Variants in ARHGAP21 observed in about 807,000 individuals in gnomAD.
ARHGAP21 encodes rho GTPase-activating protein 21.
A neutral mutation model predicts 164.6 loss-of-function variants in ARHGAP21; 38 were observed. That is an observed-to-expected ratio of 0.23 (90% CI 0.18 to 0.30). The LOEUF (loss-of-function observed/expected upper bound fraction) is 0.30. Ranked by LOEUF, ARHGAP21 falls within the 10% of genes least tolerant of loss-of-function variation. The pLI, the probability that ARHGAP21 is intolerant of heterozygous loss-of-function variation, is 1.00. For missense variants in ARHGAP21, 1,822 were observed against 2,370.7 expected (o/e 0.77, Z 4.81); for synonymous variants, 766 against 857.9 (o/e 0.89, Z 1.87).
At chr10:24,704,969 A>G (rs1174035429) in intron 2 of ARHGAP21, among the ~76,000 whole-genome samples, 4 of 152,160 alleles carry the variant, frequency 2.6e-5, no homozygotes, top group Non-Finnish European at 4.4e-5. Flanking sequence ...TGGTAGCAAC[A>G]ACAATCCTAG....
chr10:24,585,871 A>G lies in ARHGAP21; in HGVS notation c.4418T>C (p.Ile1473Thr), dbSNP rs780120544. 5.0e-6 allele frequency: 8 copies of G among 1,613,860 alleles called. No individual in the cohort carries two copies. Among genetic ancestry groups the G allele is most frequent in the African/African-American group, 2.7e-5 (2 of 74,908 alleles). ...TTTCCTAGTGCTGTTTTCTTTGGCAATGATGATCTTCTGTTTTCTGCCCAG... is the reference window on the plus strand; with the variant it reads ...TTTCCTAGTGCTGTTTTCTTTGGCAGTGATGATCTTCTGTTTTCTGCCCAG... ...ETLGRKQKII[I>T]AKENSTRKDP... The change falls in exon 26 of 26, where the codon ATT becomes ACT. Residue 1473 changes from isoleucine (I) to threonine (T), a missense_variant. This residue lies in a region of ARHGAP21 where 333 missense variants were observed against 383.9 expected (regional missense o/e 0.87). Transcript: ENST00000396432.
chr10:24,654,429 T>A (rs1838571347), intron 4 of ARHGAP21, among the ~76,000 whole-genome samples: 1 of 152,158 alleles, frequency 6.6e-6, no homozygotes, highest in African/African-American at 2.4e-5. Flanking sequence ...TTCAGCAAAG[T>A]CTTAGGATAC....
At chr10:24,694,459 G>A (rs991936967) in intron 2 of ARHGAP21, among the ~76,000 whole-genome samples, 8 of 152,184 alleles carry the variant, frequency 5.3e-5, no homozygotes, top group African/African-American at 1.9e-4. Flanking sequence ...TTCCTTCTGG[G>A]AGTCTAGAAT....
rs140535813 is a variant in ARHGAP21 at position 24,714,969 on chromosome 10, T to G, written c.63+6868A>C. ...GGCATGAGCCCGCGAGGCAGAGCTT[T>G]CAGTGAGCCAAGATCACGCCACTGC... On this transcript the variant is annotated intron_variant, in intron 2 of 25. Transcript: ENST00000396432. 2.2e-3 allele frequency among the ~76,000 whole-genome samples: 335 copies of G among 150,934 alleles called. 5 individuals carry two copies. The East Asian group carries it at 0.038, about 17-fold the overall frequency.
At chr10:24,649,720 A>G (rs1262303740) in intron 4 of ARHGAP21, among the ~76,000 whole-genome samples, 1 of 151,958 alleles carries the variant, frequency 6.6e-6, no homozygotes, top group Non-Finnish European at 1.5e-5. Flanking sequence ...AAAAAAAACC[A>G]TGGAAAACAA....
At chr10:24,701,637 AGAG>A (rs1319647392) in intron 2 of ARHGAP21, among the ~76,000 whole-genome samples, 1 of 152,196 alleles carries the variant, frequency 6.6e-6, no homozygotes, top group African/African-American at 2.4e-5. Flanking sequence ...CAGTGTGGTT[AGAG>A]AAGAATGACT....
rs141727692 is a variant in ARHGAP21 at position 24,585,743 on chromosome 10, T to A, written c.4546A>T (p.Thr1516Ser). The A allele has an allele frequency of 8.1e-6, 13 of 1,613,758 alleles. No individual in the cohort carries two copies. Among genetic ancestry groups the A allele is most frequent in the Non-Finnish European group, 1.1e-5 (13 of 1,179,882 alleles). The change falls in exon 26 of 26, where the codon ACT becomes TCT. Residue 1516 changes from threonine to serine, a missense_variant. Physicochemically the swap from Thr to Ser is moderately conservative, Grantham distance 58. Coordinates refer to ENST00000396432, the MANE Select transcript of ARHGAP21 (RefSeq NM_020824.4). ...AGGATGGCAAAGCGACAGCTGAGAG[T>A]TGGTGACTTGTTGTGTTTTGAGTTG... ...PHNSKHNKSP[T>S]LSCRFAILKE...
In ARHGAP21 at chr10:24,633,395, C is replaced by G. The variant is rs777127924; in HGVS notation, c.440+7G>C. 1 of 1,593,286 alleles carries G rather than the reference C, an allele frequency of 6.3e-7. No individual in the cohort carries two copies. The highest frequency in any genetic ancestry group is 2.2e-5 in the East Asian group (1 of 44,584). ...ATCTTTGGGTTTTAATGTTTTAAGA[C>G]TCTTACCTGTTTTGAATTAAAGCAA... On this transcript the variant is annotated splice_region_variant and intron_variant, in intron 6 of 25. Transcript: ENST00000396432.
At chr10:24,621,702 T>C (rs1238857002) in intron 8 of ARHGAP21, among the ~76,000 whole-genome samples, 2 of 152,236 alleles carry the variant, frequency 1.3e-5, no homozygotes, top group Non-Finnish European at 2.9e-5. Flanking sequence ...GTTTCAGCAG[T>C]TGACAGGTTA....
At position 24,585,390 on chromosome 10, in the gene ARHGAP21, C is replaced by G. The variant is rs773934691; in HGVS notation, c.4899G>C (p.Val1633=). 1 of 1,614,014 alleles carries G rather than the reference C, an allele frequency of 6.2e-7. No individual in the cohort carries two copies. Among genetic ancestry groups the G allele is most frequent in the Non-Finnish European group, 8.5e-7 (1 of 1,180,044 alleles). ...GAAACTCGCTCTCGCTGTCGGTTTC[C>G]ACAGGCCGCCCTTCACTGATGAGTT... is the stretch of plus-strand genomic sequence containing the variant. ...RSELISEGRP[V]ETDSESEFPV... Residue 1633 remains valine, a synonymous_variant, in exon 26 of 26, where the codon GTG becomes GTC. Transcript: ENST00000396432.
Position 24,655,936 on chromosome 10 carries a change from C to T in ARHGAP21, c.268+11049G>A, listed in dbSNP as rs1480871863. 1.6e-4 allele frequency among the ~76,000 whole-genome samples: 17 copies of T among 107,068 alleles called. 1 individual carries two copies. The highest frequency in any genetic ancestry group is 1.4e-3 in the Admixed American group (16 of 11,824). 70.2% of individuals were successfully genotyped at this position (107,068 alleles called of 152,430 possible). On this transcript the variant is annotated intron_variant, in intron 4 of 25. Coordinates refer to ENST00000396432, the MANE Select transcript of ARHGAP21 (RefSeq NM_020824.4). ...GTCTGGGAGGTGAGGAGCGTCTCTG[C>T]CCGGCCACCCCGTCTGAGAAGTGAG... is the stretch of plus-strand genomic sequence containing the variant.
intron 9 of ARHGAP21, among the ~76,000 whole-genome samples, chr10:24,612,856 A>AAAAT (rs71506841): frequency 0.33 from 49,323 of 150,030 alleles, 8,962 homozygotes; most frequent in African/African-American, 0.49. Flanking sequence ...CTCTGTTTCA[A>AAAAT]AAATAAATAA....
intron 4 of ARHGAP21, among the ~76,000 whole-genome samples, chr10:24,646,320 T>A (rs1357952805): frequency 6.6e-6 from 1 of 151,864 alleles, no homozygotes; most frequent in African/African-American, 2.4e-5. Context: ...GGTCTTAAGT[T>A]ATGGAGCAGC....
chr10:24,606,877 T>C (rs1259680347), intron 11 of ARHGAP21, among the ~76,000 whole-genome samples: 7 of 152,278 alleles, frequency 4.6e-5, no homozygotes, highest in Admixed American at 1.3e-4. Flanking sequence ...AAAATAGACA[T>C]ACCCTTTGAT....
chr10:24,637,866 ATTT>A (rs11358986), intron 4 of ARHGAP21, among the ~76,000 whole-genome samples: 5 of 139,778 alleles, frequency 3.6e-5, no homozygotes, highest in African/African-American at 2.6e-5. Context: ...TCTTGCTCAC[ATTT>A]TTTTTTTTTT....
chr10:24,624,792 G>A (rs1386391436), intron 7 of ARHGAP21, among the ~76,000 whole-genome samples: 2 of 152,026 alleles, frequency 1.3e-5, no homozygotes, highest in Non-Finnish European at 2.9e-5. Context: ...ACATATGAAA[G>A]TGTTTTGATA....
chr10:24,709,834 G>T (rs991112520), intron 2 of ARHGAP21, among the ~76,000 whole-genome samples: 1 of 150,878 alleles, frequency 6.6e-6, no homozygotes, highest in Non-Finnish European at 1.5e-5. Context: ...CACAGACACA[G>T]AAGTCCTCAA....
intron 7 of ARHGAP21, among the ~76,000 whole-genome samples, chr10:24,624,418 C>T (rs867579431): frequency 5.5e-5 from 8 of 144,922 alleles, no homozygotes; most frequent in African/African-American, 2.1e-4. Flanking sequence ...TGGCTCACTG[C>T]AACCTGTGCC....
intron 21 of ARHGAP21, 78 bp downstream of exon 21, chr10:24,594,871 AT>A: frequency 8.4e-7 from 1 of 1,183,542 alleles, no homozygotes; most frequent in Non-Finnish European, 1.2e-6. Context: ...TTTATTGACT[AT>A]TTGGCATGAA....
Sources: allele counts gnomAD v4.1 joint callset (sites outside exome capture counted in the v4.1 genomes callset), GRCh38; gene constraint gnomAD v4.1.1; regional missense constraint gnomAD v4.1.1; transcripts MANE v1.5; gene names NCBI Gene and HGNC (gene_info 2026-07-23, HGNC 2026-07-21).